RABGAP1: variants seen among roughly 807,000 people sequenced by gnomAD.
RABGAP1 encodes the protein rab GTPase-activating protein 1.
In RABGAP1, 23 loss-of-function variants were observed where a neutral mutation model predicts 137.6. The ratio of observed to expected loss-of-function variants is 0.17; its 90% CI spans 0.12 to 0.24. The LOEUF is 0.24. Ranked by LOEUF, RABGAP1 falls within the 10% of genes least tolerant of loss-of-function variation. The probability of loss-of-function intolerance (pLI) is 1.00; values close to 1 mark genes in which losing one functional copy is unlikely to be tolerated. For synonymous variants in RABGAP1, 451 were observed against 450.7 expected, an observed-to-expected ratio of 1.00 and a Z score of -0.01; for missense variants, 906 against 1,275.8, an observed-to-expected ratio of 0.71 and a Z score of 4.42.
At chr9:123,003,705 T>C (rs1394161615) in intron 10 of RABGAP1, among the ~76,000 whole-genome samples, 1 of 152,212 alleles carries the variant, frequency 6.6e-6, no homozygotes, top group African/African-American at 2.4e-5. Context: ...GATAGCATCA[T>C]AGTAGAGAAG....
chr9:123,058,048 A>AGGG (rs1175085979), intron 13 of RABGAP1, among the ~76,000 whole-genome samples: 8 of 22,386 alleles, frequency 3.6e-4, no homozygotes, highest in Non-Finnish European at 5.1e-4. Context: ...CCGTGGAAAG[A>AGGG]GAGGGGAGAG....
upstream of RABGAP1, chr9:122,937,498 G>C (rs1299527005): frequency 6.6e-6 from 1 of 152,240 alleles, no homozygotes; most frequent in East Asian, 1.9e-4. Context: ...TCAGGAGGCT[G>C]AGGGAGGAGA....
intron 10 of RABGAP1, among the ~76,000 whole-genome samples, chr9:123,005,910 G>C (rs1234190102): frequency 6.6e-6 from 1 of 152,220 alleles, no homozygotes; most frequent in Admixed American, 6.5e-5. Context: ...TGTCGAGTGT[G>C]TTGTCAGACT....
chr9:123,075,513 T>C (rs1483611797), intron 17 of RABGAP1, among the ~76,000 whole-genome samples: 1 of 152,202 alleles, frequency 6.6e-6, no homozygotes, highest in Non-Finnish European at 1.5e-5. Flanking sequence ...TTACCAAATA[T>C]GCCGTTTTTC....
intron 2 of RABGAP1, among the ~76,000 whole-genome samples, chr9:122,979,384 C>G (rs934552525): frequency 6.6e-6 from 1 of 152,144 alleles, no homozygotes; most frequent in African/African-American, 2.4e-5. Context: ...ATACGTCCTT[C>G]ATCAGATATA....
intron 10 of RABGAP1, among the ~76,000 whole-genome samples, chr9:123,004,015 GA>G: frequency 6.6e-6 from 1 of 152,148 alleles, no homozygotes; most frequent in East Asian, 1.9e-4. Flanking sequence ...ACTATAACTG[GA>G]TACCCGGGCC....
At chr9:123,029,575 C>T (rs2032184471) in intron 13 of RABGAP1, 1 of 755,162 alleles carries the variant, frequency 1.3e-6, no homozygotes, top group African/African-American at 1.7e-5. Context: ...TGGGAACTTC[C>T]TTACAGAGTT....
chr9:122,941,752 A>C (rs1355844081), intron 1 of RABGAP1, among the ~76,000 whole-genome samples: 1 of 152,190 alleles, frequency 6.6e-6, no homozygotes, highest in Non-Finnish European at 1.5e-5. Flanking sequence ...TTACGTGTTG[A>C]GCCAAAGGAT....
At chr9:122,962,495 C>T (rs1015316911) in intron 2 of RABGAP1, among the ~76,000 whole-genome samples, 1 of 151,190 alleles carries the variant, frequency 6.6e-6, no homozygotes, top group African/African-American at 2.4e-5. Context: ...CATTCTAGCC[C>T]AAGTGACAGA....
Position 122,990,785 on chromosome 9 carries a change from AAAAAAAAAAAAATATATATATATATATAT to A in RABGAP1, c.923+574_923+602del, listed in dbSNP as rs1166197575. 2.7e-4 allele frequency: 22 copies of A among 82,570 alleles called. 1 individual carries two copies. The highest frequency in any genetic ancestry group is 3.1e-4 in the Admixed American group (2 of 6,528). 5.1% of individuals were successfully genotyped at this position (82,570 alleles called of 1,614,324 possible). A position where few individuals can be genotyped will look rare whatever the true frequency, so the allele number is the denominator to read the frequency against. On this transcript the variant is annotated intron_variant, in intron 6 of 25. Transcript: ENST00000373647. ...ACTCCGTCTCAAAAAAAAAAAAAAA[AAAAAAAAAAAAATATATATATATATATAT>A]ATATATATATATATATATATATGGC...
At chr9:123,075,559 C>T (rs1366765810) in intron 17 of RABGAP1, among the ~76,000 whole-genome samples, 2 of 152,180 alleles carry the variant, frequency 1.3e-5, no homozygotes, top group African/African-American at 4.8e-5. Context: ...TTTGGATGTG[C>T]TATACTTTAT....
At chr9:123,039,273 A>T (rs1588314933) in intron 13 of RABGAP1, among the ~76,000 whole-genome samples, 1 of 152,166 alleles carries the variant, frequency 6.6e-6, no homozygotes, top group East Asian at 1.9e-4. Flanking sequence ...CCTTGAATTC[A>T]ACATAAAATT....
chr9:123,034,474 G>T, intron 13 of RABGAP1: 1 of 775,832 alleles, frequency 1.3e-6, no homozygotes, highest in South Asian at 1.7e-5. Flanking sequence ...TTACACACAT[G>T]CAAAGCTGAC....
chr9:123,076,967 T>G (rs984462647), intron 19 of RABGAP1: 60 of 222,676 alleles, frequency 2.7e-4, no homozygotes, highest in Admixed American at 5.0e-4. Flanking sequence ...CCAAAATACT[T>G]TCCTATATAT....
At chr9:122,966,761 A>C (rs1213767812) in intron 2 of RABGAP1, among the ~76,000 whole-genome samples, 1 of 152,180 alleles carries the variant, frequency 6.6e-6, no homozygotes, top group African/African-American at 2.4e-5. Flanking sequence ...GAGACTGGGA[A>C]GAAAAAGAGG....
chr9:123,096,439 GT>G (rs1286143925), intron 21 of RABGAP1, among the ~76,000 whole-genome samples: 1 of 152,224 alleles, frequency 6.6e-6, no homozygotes, highest in Non-Finnish European at 1.5e-5. Flanking sequence ...AGGACAAAGG[GT>G]ATTACCAAGG....
intron 19 of RABGAP1, chr9:123,076,999 T>G (rs2034531508): frequency 6.1e-6 from 1 of 162,624 alleles, no homozygotes; most frequent in Non-Finnish European, 1.1e-5. Context: ...GAATGAAATC[T>G]CGTTGTCCCC....
the RABGAP1 span, among the ~76,000 whole-genome samples, chr9:122,932,422 C>A: frequency 0.97 from 148,378 of 152,306 alleles, 72,391 homozygotes; most frequent in East Asian, 1. Context: ...TACAACTATA[C>A]ATTTCACTTT....
At chr9:123,073,472 A>G (rs2034420136) in intron 15 of RABGAP1, 80 bp from the exon 16 acceptor site, 28 of 1,511,104 alleles carry the variant, frequency 1.9e-5, no homozygotes, top group Non-Finnish European at 2.1e-5. Context: ...GCTGGATTTA[A>G]TATCCTGAGA....
Sources: allele counts gnomAD v4.1 joint callset (sites outside exome capture counted in the v4.1 genomes callset), GRCh38; gene constraint gnomAD v4.1.1; transcripts MANE v1.5; gene names NCBI Gene and HGNC (gene_info 2026-07-23, HGNC 2026-07-21).